The following VGLL3 variants were observed in gnomAD, a reference collection of about 807,000 sequenced individuals.
VGLL3 encodes the protein vestigial like family member 3.
Under a neutral mutation model 29.2 loss-of-function variants are expected in VGLL3, and 18 were observed. That is an observed-to-expected ratio of 0.62 (90% confidence interval 0.43 to 0.91). The LOEUF (loss-of-function observed/expected upper bound fraction) is 0.91, where lower values mean the gene tolerates loss of function less well. Among genes scored for constraint, VGLL3 ranks in the 40% least tolerant of loss-of-function variants. The probability of loss-of-function intolerance (pLI) is 0.00; values close to 1 mark genes in which losing one functional copy is unlikely to be tolerated. For synonymous variants in VGLL3, 180 were observed against 151.8 expected (o/e 1.19, Z -1.36); for missense variants, 440 against 413.2 (o/e 1.06, Z -0.56).
At chr3:86,954,948 T>C (rs1188191174) in intron 3 of VGLL3, among the ~76,000 whole-genome samples, 4 of 149,766 alleles carry the variant, frequency 2.7e-5, no homozygotes, top group African/African-American at 1.0e-4. Flanking sequence ...AAACCACAAG[T>C]TATAATAGTC....
intron 2 of VGLL3, among the ~76,000 whole-genome samples, chr3:86,971,361 C>T (rs930212823): frequency 6.6e-6 from 1 of 152,174 alleles, no homozygotes; most frequent in African/African-American, 2.4e-5. Flanking sequence ...GGCACCAGAG[C>T]TATGATCATG....
intron 2 of VGLL3, among the ~76,000 whole-genome samples, chr3:86,977,671 G>T (rs1187693321): frequency 1.3e-5 from 2 of 152,178 alleles, no homozygotes; most frequent in African/African-American, 2.4e-5. Context: ...TGGAGCCCAA[G>T]AATTCGCACT....
At chr3:86,985,461 A>G (rs1575881792) in intron 1 of VGLL3, among the ~76,000 whole-genome samples, 1 of 152,184 alleles carries the variant, frequency 6.6e-6, no homozygotes, top group Non-Finnish European at 1.5e-5. Context: ...TTCTTCTTCA[A>G]CTAAAGAAGG....
intron 3 of VGLL3, chr3:86,962,262 G>A: frequency 1.0e-6 from 1 of 985,406 alleles, no homozygotes; most frequent in Non-Finnish European, 1.2e-6. Flanking sequence ...AACAGAGGGA[G>A]CAAAAAGTAA....
At chr3:86,978,247 G>A (rs1705249301) in intron 2 of VGLL3, among the ~76,000 whole-genome samples, 3 of 152,134 alleles carry the variant, frequency 2.0e-5, no homozygotes, top group Admixed American at 1.3e-4. Context: ...TTTAGGAATG[G>A]TACTTCGCAG....
chr3:86,984,390 A>G (rs909000420), intron 1 of VGLL3, among the ~76,000 whole-genome samples: 1 of 152,214 alleles, frequency 6.6e-6, no homozygotes, highest in African/African-American at 2.4e-5. Context: ...ATTTGCCTCT[A>G]AATGATTCTT....
chr3:86,981,656 G>A lies in VGLL3; in HGVS notation c.127-2854C>T, dbSNP rs1247052151. 3.3e-5 allele frequency among the ~76,000 whole-genome samples: 5 copies of A among 149,880 alleles called. No individual in the cohort carries two copies. The East Asian group carries it at 5.9e-4, about 18-fold the overall frequency. On this transcript the variant is annotated intron_variant, in intron 1 of 3. Transcript: ENST00000398399. Reference sequence around the variant, plus strand: ...TTTCTTTTTTCTTTTTATCTCTCTCGATTCTTTTACTAATTAAATAAATTT... The same window carrying A: ...TTTCTTTTTTCTTTTTATCTCTCTCAATTCTTTTACTAATTAAATAAATTT...
At chr3:86,974,840 T>TTTAG (rs1705175767) in intron 2 of VGLL3, among the ~76,000 whole-genome samples, 2 of 152,160 alleles carry the variant, frequency 1.3e-5, no homozygotes, top group Non-Finnish European at 2.9e-5. Flanking sequence ...GCCTTTAGTA[T>TTTAG]CTACTATTAT....
intron 2 of VGLL3, among the ~76,000 whole-genome samples, chr3:86,978,286 G>A (rs1182329402): frequency 1.3e-5 from 2 of 152,296 alleles, no homozygotes; most frequent in African/African-American, 2.4e-5. Context: ...AACTCAAGCC[G>A]GTTGTATCAC....
chr3:86,973,921 C>T (rs1357378730), intron 2 of VGLL3, among the ~76,000 whole-genome samples: 1 of 152,066 alleles, frequency 6.6e-6, no homozygotes, highest in African/African-American at 2.4e-5. Context: ...TGACATAGCT[C>T]CTGCCCTTTT....
chr3:86,963,725 C>T (rs1029664619), intron 3 of VGLL3, among the ~76,000 whole-genome samples: 1 of 152,120 alleles, frequency 6.6e-6, no homozygotes, highest in Non-Finnish European at 1.5e-5. Flanking sequence ...AATTTAATCT[C>T]AAAACAATCC....
intron 3 of VGLL3, among the ~76,000 whole-genome samples, chr3:86,957,514 G>A (rs2106982334): frequency 6.6e-6 from 1 of 152,218 alleles, no homozygotes; most frequent in South Asian, 2.1e-4. Context: ...AAGCTCATTG[G>A]GTTCTCCCAG....
At chr3:86,988,575 CACTGTCAAG>C (rs1303305097) in intron 1 of VGLL3, among the ~76,000 whole-genome samples, 1 of 132,606 alleles carries the variant, frequency 7.5e-6, no homozygotes, top group Non-Finnish European at 1.5e-5. Context: ...ACAGTAGTTA[CACTGTCAAG>C]TCTTTTTTTT....
chr3:86,979,383 A>T (rs1575877744), intron 1 of VGLL3, among the ~76,000 whole-genome samples: 1 of 152,246 alleles, frequency 6.6e-6, no homozygotes, highest in African/African-American at 2.4e-5. Context: ...GTCTGTGTGA[A>T]GATGCATTTT....
chr3:86,951,630 T>C (rs1704619782), intron 3 of VGLL3, among the ~76,000 whole-genome samples: 1 of 152,128 alleles, frequency 6.6e-6, no homozygotes, highest in Admixed American at 6.5e-5. Flanking sequence ...TCTTGTAAAA[T>C]GCTATAGAAA....
chr3:86,974,525 T>A (rs942958402), intron 2 of VGLL3, among the ~76,000 whole-genome samples: 6 of 152,162 alleles, frequency 3.9e-5, no homozygotes, highest in Admixed American at 3.3e-4. Flanking sequence ...AAAATACATA[T>A]ACTTCCTATC....
At chr3:86,974,913 G>A (rs947777270) in intron 2 of VGLL3, among the ~76,000 whole-genome samples, 1 of 152,130 alleles carries the variant, frequency 6.6e-6, no homozygotes, top group Admixed American at 6.5e-5. Flanking sequence ...CTGGATAAAG[G>A]CTCAGGGTTT....
rs150596407 is a variant in VGLL3, at chr3:86,945,858, CTGTT to C, written c.*1162_*1165del. The C allele has an allele frequency of 1.1e-3, 170 of 151,752 alleles. 1 individual carries two copies. The highest frequency in any genetic ancestry group is 2.0e-3 in the African/African-American group (82 of 41,324). 9.4% of individuals were successfully genotyped at this position (151,752 alleles called of 1,614,324 possible). A position where few individuals can be genotyped will look rare whatever the true frequency, so the allele number is the denominator to read the frequency against. ...TGTGTTGAAACTATTATATATAGAA[CTGTT>C]TGTTTGTTTGTTTGTTTGTTTGTTT... On this transcript the variant is annotated 3_prime_UTR_variant, in exon 4 of 4. Coordinates refer to ENST00000398399, the MANE Select transcript of VGLL3 (RefSeq NM_016206.4).
At chr3:86,949,720 G>A (rs1016400767) in intron 3 of VGLL3, among the ~76,000 whole-genome samples, 3 of 151,530 alleles carry the variant, frequency 2.0e-5, no homozygotes, top group Admixed American at 1.3e-4. Flanking sequence ...CCAGCTACTC[G>A]GGAGGCTGAG....
Sources: gnomAD v4.1 joint callset for allele counts (sites outside exome capture counted in the v4.1 genomes callset) on GRCh38, gnomAD v4.1.1 for gene constraint, MANE v1.5 for transcripts, NCBI Gene and HGNC (gene_info 2026-07-23, HGNC 2026-07-21) for gene names.